Variants in RORA observed in about 807,000 individuals in gnomAD.
RORA encodes RAR related orphan receptor A.
Under a neutral mutation model 69.5 loss-of-function variants are expected in RORA, and 7 were observed. The ratio of observed to expected loss-of-function variants is 0.10; its 90% CI spans 0.06 to 0.19. The LOEUF (loss-of-function observed/expected upper bound fraction) is 0.19. Ranked by LOEUF, RORA falls within the 10% of genes least tolerant of loss-of-function variation. The pLI, the probability that RORA is intolerant of heterozygous loss-of-function variation, is 1.00. For missense variants in RORA, 457 were observed against 663.0 expected (o/e 0.69, Z 3.41); for synonymous variants, 261 against 240.8 (o/e 1.08, Z -0.78).
chr15:60,641,422 T>G (rs1037108543), intron 2 of RORA, among the ~76,000 whole-genome samples: 4 of 152,220 alleles, frequency 2.6e-5, no homozygotes, highest in African/African-American at 9.7e-5. Flanking sequence ...CCATTTCTTT[T>G]TTTTTAAGAT....
chr15:60,731,912 C>T (rs923367853), intron 1 of RORA, among the ~76,000 whole-genome samples: 9 of 152,312 alleles, frequency 5.9e-5, no homozygotes, highest in Non-Finnish European at 1.2e-4. Flanking sequence ...CAGAGGAGGA[C>T]ACGTCCCAGG....
At chr15:60,811,846 A>G (rs549884348) in intron 1 of RORA, among the ~76,000 whole-genome samples, 13 of 152,336 alleles carry the variant, frequency 8.5e-5, no homozygotes, top group Admixed American at 7.2e-4. Flanking sequence ...CCAGCCAAGG[A>G]CCAAGGTGTG....
At chr15:61,119,270 C>A (rs937647172) in intron 1 of RORA, among the ~76,000 whole-genome samples, 1 of 151,900 alleles carries the variant, frequency 6.6e-6, no homozygotes, top group Non-Finnish European at 1.5e-5. Flanking sequence ...GCAATCTTGG[C>A]TCACTGCAAC....
At chr15:60,788,348 G>C (rs2072368614) in intron 1 of RORA, among the ~76,000 whole-genome samples, 1 of 152,174 alleles carries the variant, frequency 6.6e-6, no homozygotes, top group South Asian at 2.1e-4. Context: ...TTCATGGCTG[G>C]TGGGGTGGGG....
At chr15:60,870,669 C>T (rs1430247759) in intron 1 of RORA, among the ~76,000 whole-genome samples, 1 of 152,260 alleles carries the variant, frequency 6.6e-6, no homozygotes, top group Non-Finnish European at 1.5e-5. Context: ...CTTGGCGTCA[C>T]AAAAGCATAA....
intron 1 of RORA, among the ~76,000 whole-genome samples, chr15:61,058,561 A>G (rs538789351): frequency 1.3e-5 from 2 of 152,270 alleles, no homozygotes; most frequent in East Asian, 3.9e-4. Flanking sequence ...GAACGTCAGG[A>G]AAGTTACAGA....
At chr15:61,153,560 T>C (rs2079416199) in intron 1 of RORA, among the ~76,000 whole-genome samples, 1 of 152,206 alleles carries the variant, frequency 6.6e-6, no homozygotes, top group African/African-American at 2.4e-5. Context: ...ACGGGCTTTA[T>C]TACCTTGTTG....
chr15:60,818,757 T>C (rs2072850248), intron 1 of RORA, among the ~76,000 whole-genome samples: 1 of 152,234 alleles, frequency 6.6e-6, no homozygotes, highest in African/African-American at 2.4e-5. Context: ...GGACAATGAA[T>C]TGAACTGATT....
chr15:61,204,848 C>T (rs1433219439), intron 1 of RORA, among the ~76,000 whole-genome samples: 1 of 152,200 alleles, frequency 6.6e-6, no homozygotes, highest in East Asian at 1.9e-4. Context: ...AAAATCCTGG[C>T]TATCCAAATC....
At position 60,651,148 on chromosome 15, in the gene RORA, C is replaced by T. The variant is rs1274215602; in HGVS notation, c.196+27509G>A. ...ATGTGAGGCAGAGGAAATATTATCA[C>T]TTTGGTGGTTGTTACTATGTCCCCA... On this transcript the variant is annotated intron_variant, in intron 2 of 10. Transcript: ENST00000335670. Among the ~76,000 whole-genome samples the T allele has an allele frequency of 2.6e-5, 4 of 152,142 alleles. No homozygotes were observed. The East Asian group carries it at 7.7e-4, about 29-fold the overall frequency.
At chr15:60,919,380 T>C (rs1286228851) in intron 1 of RORA, among the ~76,000 whole-genome samples, 2 of 152,168 alleles carry the variant, frequency 1.3e-5, no homozygotes, top group Non-Finnish European at 2.9e-5. Flanking sequence ...ACAAAGCAGA[T>C]AAATGGCAGA....
At position 60,720,250 on chromosome 15, in the gene RORA, T is replaced by C. The variant is rs565879423; in HGVS notation, c.167-41564A>G. ...TTAAGGCCTAACACACCTGAATACA[T>C]GGGCTGTGATACGGGAGCTAGCCTG... is the stretch of plus-strand genomic sequence containing the variant. On this transcript the variant is annotated intron_variant, in intron 1 of 10. Transcript: ENST00000335670. Among the ~76,000 whole-genome samples the C allele has an allele frequency of 2.0e-5, 3 of 152,242 alleles. No individual in the cohort carries two copies. The South Asian group carries it at 6.2e-4, about 32-fold the overall frequency.
At chr15:61,099,409 G>A (rs2078845138) in intron 1 of RORA, among the ~76,000 whole-genome samples, 1 of 152,170 alleles carries the variant, frequency 6.6e-6, no homozygotes, top group African/African-American at 2.4e-5. Context: ...AATCCCCAGT[G>A]AGGGAAGGGA....
chr15:61,040,600 A>C (rs1280708658), intron 1 of RORA, among the ~76,000 whole-genome samples: 1 of 151,972 alleles, frequency 6.6e-6, no homozygotes, highest in African/African-American at 2.4e-5. Flanking sequence ...TGTGATGTGT[A>C]CACTAGGTAG....
At chr15:60,635,769 ATGAG>A (rs2069825645) in intron 2 of RORA, among the ~76,000 whole-genome samples, 1 of 152,180 alleles carries the variant, frequency 6.6e-6, no homozygotes, top group Non-Finnish European at 1.5e-5. Flanking sequence ...GTTAGGGTAA[ATGAG>A]TGGGACAAAG....
Position 61,045,608 on chromosome 15 carries a change from G to A in RORA, c.166+183445C>T, listed in dbSNP as rs757042929. On this transcript the variant is annotated intron_variant, in intron 1 of 10. Coordinates refer to ENST00000335670, the MANE Select transcript of RORA (RefSeq NM_134261.3). ...CACAAGGTGCCCAGATCATCCAAGG[G>A]GTGTACCAGGTATAGAGGGGAGAAG... Among the ~76,000 whole-genome samples, 311 of 152,204 alleles carry A rather than the reference G, an allele frequency of 2.0e-3. 2 individuals carry two copies. Among genetic ancestry groups the A allele is most frequent in the Non-Finnish European group, 3.0e-3 (206 of 68,014 alleles).
rs180818812 is a variant in RORA, at chr15:60,548,913, C to A, written c.197-17062G>T. Among the ~76,000 whole-genome samples the A allele has an allele frequency of 2.6e-3, 392 of 152,322 alleles. 3 individuals are homozygous for A. The highest frequency in any genetic ancestry group is 0.013 in the East Asian group (68 of 5,182). On this transcript the variant is annotated intron_variant, in intron 2 of 10. Transcript: ENST00000335670. ...GTGCTGGGATTACAGGCATGAGCCA[C>A]CGCGCCTGGCCAATAGCATTAGTTT...
At chr15:60,881,998 T>A (rs748772731) in intron 1 of RORA, among the ~76,000 whole-genome samples, 7 of 152,224 alleles carry the variant, frequency 4.6e-5, no homozygotes, top group Non-Finnish European at 1.0e-4. Flanking sequence ...GACTTAAATA[T>A]GGCTCAGAGC....
chr15:60,497,282 C>T lies in RORA; in HGVS notation c.*173G>A. The stretch of plus-strand genomic sequence containing the variant: ...ATATGCATGAGAAAAACAAGTTCAA[C>T]TTTTATTTGTTTTCATTGTTTCCCC... On this transcript the variant is annotated 3_prime_UTR_variant, in exon 11 of 11. Coordinates refer to ENST00000335670, the MANE Select transcript of RORA (RefSeq NM_134261.3). 1 of 560,546 alleles carries T rather than the reference C, an allele frequency of 1.8e-6. No homozygotes were observed. Among genetic ancestry groups the T allele is most frequent in the Non-Finnish European group, 3.1e-6 (1 of 321,380 alleles). The allele number at this position is 560,546 out of a possible 1,614,324, so 34.7% of individuals were successfully genotyped here.
Sources: gnomAD v4.1 joint callset for allele counts (sites outside exome capture counted in the v4.1 genomes callset) on GRCh38, gnomAD v4.1.1 for gene constraint, MANE v1.5 for transcripts, NCBI Gene and HGNC (gene_info 2026-07-23, HGNC 2026-07-21) for gene names.